Variants in TM7SF3 observed in about 807,000 individuals in gnomAD.
The protein encoded by TM7SF3 is transmembrane 7 superfamily member 3.
In TM7SF3, 60 loss-of-function variants were observed where a neutral mutation model predicts 65.5. The observed-to-expected ratio is 0.92, with a 90% confidence interval of 0.74 to 1.14. TM7SF3 has a LOEUF of 1.14. Among genes scored for constraint, TM7SF3 ranks in the 50% most tolerant of loss-of-function variants. The pLI is 0.00. For missense variants in TM7SF3, 623 were observed against 684.8 expected (o/e 0.91, Z 1.01); for synonymous variants, 264 against 259.6 (o/e 1.02, Z -0.16).
chr12:26,976,685 T>C (rs1369241012), intron 9 of TM7SF3, among the ~76,000 whole-genome samples: 1 of 152,216 alleles, frequency 6.6e-6, no homozygotes, highest in Non-Finnish European at 1.5e-5. Context: ...ACCCTCAAAA[T>C]GACATTGAAT....
At chr12:27,003,133 TAAACATA>T in intron 2 of TM7SF3, 96 bp downstream of exon 2, 2 of 821,824 alleles carry the variant, frequency 2.4e-6, no homozygotes, top group Non-Finnish European at 3.7e-6. Flanking sequence ...CATAAGATCA[TAAACATA>T]AAAGAGATAG....
At chr12:27,011,998 C>G (rs1017451114) in intron 1 of TM7SF3, among the ~76,000 whole-genome samples, 23 of 152,192 alleles carry the variant, frequency 1.5e-4, no homozygotes, top group African/African-American at 5.6e-4. Context: ...CCTCGATCAA[C>G]TAAAAACTCT....
chr12:26,974,613 A>G (rs2136372279), intron 11 of TM7SF3, among the ~76,000 whole-genome samples: 1 of 152,282 alleles, frequency 6.6e-6, no homozygotes, highest in Non-Finnish European at 1.5e-5. Context: ...ATCAGATTCC[A>G]CCACGCTCAT....
intron 2 of TM7SF3, among the ~76,000 whole-genome samples, chr12:27,002,013 C>G (rs1940850711): frequency 1.3e-5 from 2 of 152,148 alleles, no homozygotes; most frequent in Admixed American, 6.5e-5. Context: ...CATTTCTAGT[C>G]TATTAACTAC....
chr12:26,985,179 C>T (rs1265899158), intron 6 of TM7SF3, among the ~76,000 whole-genome samples: 1 of 152,068 alleles, frequency 6.6e-6, no homozygotes, highest in African/African-American at 2.4e-5. Flanking sequence ...AATGGAGGAA[C>T]CCAGACATAC....
intron 6 of TM7SF3, among the ~76,000 whole-genome samples, chr12:26,988,146 A>C (rs1940181125): frequency 6.6e-6 from 1 of 151,986 alleles, no homozygotes; most frequent in Non-Finnish European, 1.5e-5. Context: ...CCTAAACTGA[A>C]CCCTGGACAG....
At chr12:26,975,841 A>C (rs1298285698) in intron 10 of TM7SF3, 183 bp from the exon 11 acceptor site, 2 of 605,164 alleles carry the variant, frequency 3.3e-6, no homozygotes, top group Admixed American at 3.2e-5. Flanking sequence ...TTCAACATCC[A>C]TATGAGTTCT....
rs187476660 is a variant in TM7SF3, at chr12:26,992,499, T to C, written c.691-1872A>G. ...CAGGGTTTCACCCTGTTAGCCAGGATGGGCTCGATCTCCTGACCTTGTGAT... is the reference window on the plus strand; with the variant it reads ...CAGGGTTTCACCCTGTTAGCCAGGACGGGCTCGATCTCCTGACCTTGTGAT... On this transcript the variant is annotated intron_variant, in intron 5 of 11. Coordinates refer to ENST00000343028, the MANE Select transcript of TM7SF3 (RefSeq NM_016551.3). Among the ~76,000 whole-genome samples, 2 of 152,328 alleles carry C rather than the reference T, an allele frequency of 1.3e-5. 1 individual carries two copies. The highest frequency in any genetic ancestry group is 4.8e-5 in the African/African-American group (2 of 41,580).
In TM7SF3 at chr12:27,014,306, C is replaced by T. The variant is rs1027662174; in HGVS notation, c.-138G>A. 5 of 585,354 alleles carry T rather than the reference C, an allele frequency of 8.5e-6. No homozygotes were observed. The highest frequency in any genetic ancestry group is 6.0e-5 in the African/African-American group (3 of 50,208). The allele number at this position is 585,354 out of a possible 1,614,324, so 36.3% of individuals were successfully genotyped here. A position where few individuals can be genotyped will look rare whatever the true frequency, so the allele number is the denominator to read the frequency against. ...TCGCCCGCCAGGTGCAGACGCTTCG[C>T]ACCTGCCAGCTCCGCAGCCGCCGGC... On this transcript the variant is annotated 5_prime_UTR_variant, in exon 1 of 12. Coordinates refer to ENST00000343028, the MANE Select transcript of TM7SF3 (RefSeq NM_016551.3).
At position 26,985,806 on chromosome 12, in the gene TM7SF3, G is replaced by GTTTTTTTTTTTT. The variant is rs149988617; in HGVS notation, c.869-2959_869-2948dup. ...CTTTGCTTGGCCAAATTTCTTTTTCGTTTTTTTTTTTTTTTTTTTTTTTTT... is the reference window on the plus strand; with the variant it reads ...CTTTGCTTGGCCAAATTTCTTTTTCGTTTTTTTTTTTTTTTTTTTTTTTTTTTTTTTTTTTTT... On this transcript the variant is annotated intron_variant, in intron 6 of 11. Transcript: ENST00000343028. Among the ~76,000 whole-genome samples, 3 of 52,818 alleles carry GTTTTTTTTTTTT rather than the reference G, an allele frequency of 5.7e-5. 1 individual carries two copies. The highest frequency in any genetic ancestry group is 6.2e-5 in the Non-Finnish European group (2 of 32,302). 34.7% of individuals were successfully genotyped at this position (52,818 alleles called of 152,430 possible).
intron 6 of TM7SF3, among the ~76,000 whole-genome samples, chr12:26,988,295 C>A (rs2136404330): frequency 6.6e-6 from 1 of 152,210 alleles, no homozygotes; most frequent in Non-Finnish European, 1.5e-5. Flanking sequence ...TACCAAGTAG[C>A]TGGAACGACA....
chr12:27,006,382 C>G (rs959689231), intron 1 of TM7SF3, among the ~76,000 whole-genome samples: 1 of 151,960 alleles, frequency 6.6e-6, no homozygotes, highest in Non-Finnish European at 1.5e-5. Context: ...CGTGATCCGC[C>G]CACCTGGGCC....
At chr12:26,983,746 T>A (rs1396604607) in intron 6 of TM7SF3, 5 of 276,634 alleles carry the variant, frequency 1.8e-5, no homozygotes, top group Non-Finnish European at 3.7e-5. Flanking sequence ...TATTATAATA[T>A]TTATTACACA....
At chr12:27,004,434 C>A (rs1940953486) in intron 1 of TM7SF3, among the ~76,000 whole-genome samples, 1 of 152,162 alleles carries the variant, frequency 6.6e-6, no homozygotes, top group Non-Finnish European at 1.5e-5. Context: ...GATTATAATT[C>A]ACCCGAGTCC....
chr12:27,000,907 A>G (rs1940805944), intron 2 of TM7SF3, among the ~76,000 whole-genome samples: 1 of 151,834 alleles, frequency 6.6e-6, no homozygotes, highest in South Asian at 2.1e-4. Context: ...CCCCACTCCC[A>G]TCTGCTTGGA....
rs1311079219 is a variant in TM7SF3 at position 26,979,910 on chromosome 12, C to T, written c.1063G>A (p.Gly355Arg). ...DVNLILTAVT[G>R]SVGGMFLVAV... is the part of the protein sequence containing the mutation. Reference sequence around the variant, plus strand: ...ACCAAGAACATTCCACCGACGCTTCCAGTGACAGCTGTCAGAATCAGATTC... The same window carrying T: ...ACCAAGAACATTCCACCGACGCTTCTAGTGACAGCTGTCAGAATCAGATTC... The change falls in exon 9 of 12, where the codon GGA (glycine) becomes AGA (arginine). Residue 355 changes from glycine to arginine, a missense_variant. Gly to Arg is a moderately radical substitution (Grantham distance 125, BLOSUM62 -2). Transcript: ENST00000343028. 1.9e-6 allele frequency: 3 copies of T among 1,614,000 alleles called. No individual in the cohort carries two copies. The African/African-American group carries it at 4.0e-5, about 22-fold the overall frequency.
At position 26,973,741 on chromosome 12, in the gene TM7SF3, A is replaced by T; in HGVS notation, c.*224T>A. On this transcript the variant is annotated 3_prime_UTR_variant, in exon 12 of 12. Transcript: ENST00000343028. Reference sequence around the variant, plus strand: ...GTAATTTCTCAAGTATTTGGAAATAAGAAAAAGCCTCCCTACCACCAACCT... The same window carrying T: ...GTAATTTCTCAAGTATTTGGAAATATGAAAAAGCCTCCCTACCACCAACCT... 1 of 462,904 alleles carries T rather than the reference A, an allele frequency of 2.2e-6. No individual in the cohort carries two copies. Among genetic ancestry groups the T allele is most frequent in the African/African-American group, 2.0e-5 (1 of 50,332 alleles). 28.7% of individuals were successfully genotyped at this position (462,904 alleles called of 1,614,324 possible). A position where few individuals can be genotyped will look rare whatever the true frequency, so the allele number is the denominator to read the frequency against.
chr12:27,014,001 G>A (rs1941344292), intron 1 of TM7SF3, 77 bp downstream of exon 1: 3 of 1,251,054 alleles, frequency 2.4e-6, no homozygotes, highest in Non-Finnish European at 3.4e-6. Context: ...TAGGCTGACA[G>A]ACCCCTGGCG....
rs1318715501 is a variant in TM7SF3, at chr12:26,975,538, C to T, written c.1408G>A (p.Asp470Asn). ...LNVLKRALNK[D>N]FHRAFTNVPF... is the part of the protein sequence containing the mutation. ...ACATTTGTGAAAGCTCTGTGGAAATCCTTGTTGAGCGCTCTCTTGAGTACG... is the reference window on the plus strand; with the variant it reads ...ACATTTGTGAAAGCTCTGTGGAAATTCTTGTTGAGCGCTCTCTTGAGTACG... The change falls in exon 11 of 12, where the codon GAT becomes AAT. Residue 470 changes from aspartate to asparagine, a missense_variant. Physicochemically the swap from Asp to Asn is conservative, Grantham distance 23. Coordinates refer to ENST00000343028, the MANE Select transcript of TM7SF3 (RefSeq NM_016551.3). 2 of 1,614,126 alleles carry T rather than the reference C, an allele frequency of 1.2e-6. No homozygotes were observed. The highest frequency in any genetic ancestry group is 3.3e-5 in the Admixed American group (2 of 60,020).
Sources: allele counts gnomAD v4.1 joint callset (sites outside exome capture counted in the v4.1 genomes callset), GRCh38; gene constraint gnomAD v4.1.1; transcripts MANE v1.5; gene names NCBI Gene and HGNC (gene_info 2026-07-23, HGNC 2026-07-21).